Variants in COL28A1 observed in about 807,000 individuals in gnomAD.
The protein encoded by COL28A1 is collagen type XXVIII alpha 1 chain, also known as collagen alpha-1(XXVIII) chain.
Under a neutral mutation model 150.2 loss-of-function variants are expected in COL28A1, and 161 were observed. The ratio of observed to expected loss-of-function variants is 1.07; its 90% CI spans 0.94 to 1.22. The LOEUF (loss-of-function observed/expected upper bound fraction) is 1.22. Among genes scored for constraint, COL28A1 ranks in the 50% most tolerant of loss-of-function variants. The pLI, the probability that COL28A1 is intolerant of heterozygous loss-of-function variation, is 0.00. For synonymous variants in COL28A1, 552 were observed against 469.7 expected, an observed-to-expected ratio of 1.18 and a Z score of -2.26; for missense variants, 1,617 against 1,388.3, an observed-to-expected ratio of 1.16 and a Z score of -2.62.
downstream of COL28A1, among the ~76,000 whole-genome samples, chr7:7,355,076 A>C (rs1042727281): frequency 3.9e-5 from 6 of 152,182 alleles, no homozygotes; most frequent in African/African-American, 7.2e-5. Flanking sequence ...GGTAAATTGG[A>C]CTGCATTAAA....
chr7:7,415,468 A>C (rs1784020219), intron 27 of COL28A1, among the ~76,000 whole-genome samples: 1 of 152,218 alleles, frequency 6.6e-6, no homozygotes, highest in South Asian at 2.1e-4. Flanking sequence ...GTCCTGAGGG[A>C]CGAACCTCTG....
upstream of COL28A1, among the ~76,000 whole-genome samples, chr7:7,538,730 G>C (rs922192091): frequency 5.9e-5 from 9 of 151,780 alleles, no homozygotes; most frequent in African/African-American, 2.2e-4. Context: ...TGAAGTCATA[G>C]AAATACACAC....
chr7:7,472,230 G>A (rs141358600), intron 15 of COL28A1, among the ~76,000 whole-genome samples: 2 of 152,060 alleles, frequency 1.3e-5, no homozygotes, highest in Non-Finnish European at 2.9e-5. Context: ...GAAAGTCAAA[G>A]TGCCTGTTTG....
chr7:7,408,324 G>A (rs1176134956), intron 27 of COL28A1, among the ~76,000 whole-genome samples: 1 of 152,064 alleles, frequency 6.6e-6, no homozygotes, highest in Non-Finnish European at 1.5e-5. Context: ...CTTTGTTAGA[G>A]ATTCTGTAAG....
upstream of COL28A1, among the ~76,000 whole-genome samples, chr7:7,537,476 C>T (rs896707024): frequency 6.6e-6 from 1 of 152,144 alleles, no homozygotes; most frequent in African/African-American, 2.4e-5. Context: ...ACCCCTTGTA[C>T]TTAGTAGATG....
Position 7,531,889 on chromosome 7 carries a change from A to T in COL28A1, c.140T>A (p.Ile47Lys). 1 of 1,600,580 alleles carries T rather than the reference A, an allele frequency of 6.2e-7. No individual in the cohort carries two copies. The highest frequency in any genetic ancestry group is 8.6e-7 in the Non-Finnish European group (1 of 1,169,044). Residue 47 changes from isoleucine to lysine, a missense_variant, in exon 3 of 35, where the codon ATA becomes AAA. Physicochemically the swap from Ile to Lys is moderately radical, Grantham distance 102. Transcript: ENST00000399429. ...KSDVQGSICF[I>K]DIVFIVDSSE... ...GCTGTCCACGATGAAGACAATATCT[A>T]TGAAACAAATGGAGCCTGAAACAGA...
intron 15 of COL28A1, among the ~76,000 whole-genome samples, chr7:7,466,205 G>GA (rs1229151659): frequency 8.3e-5 from 9 of 109,002 alleles, no homozygotes; most frequent in Non-Finnish European, 1.5e-4. Context: ...TGAAAACTTT[G>GA]AAAAAAATTT....
intron 13 of COL28A1, among the ~76,000 whole-genome samples, chr7:7,477,710 A>C (rs1789022466): frequency 1.3e-5 from 2 of 152,204 alleles, no homozygotes; most frequent in Non-Finnish European, 2.9e-5. Context: ...GTGTGGACCC[A>C]AACAGTTAAC....
intron 22 of COL28A1, 117 bp downstream of exon 22, chr7:7,437,277 C>A: frequency 7.1e-7 from 1 of 1,413,176 alleles, no homozygotes; most frequent in South Asian, 1.7e-5. Context: ...CAGAGTTAAA[C>A]GGAATCATTT....
At chr7:7,342,147 A>G in the COL28A1 span, among the ~76,000 whole-genome samples, 40 of 152,106 alleles carry the variant, frequency 2.6e-4, no homozygotes, top group Non-Finnish European at 5.6e-4. Flanking sequence ...TTAAATTATT[A>G]TATCTTCTTG....
chr7:7,363,878 T>A (rs1759682930), intron 33 of COL28A1, among the ~76,000 whole-genome samples: 1 of 152,078 alleles, frequency 6.6e-6, no homozygotes, highest in Non-Finnish European at 1.5e-5. Context: ...CCTCCCAGAT[T>A]CAAGCAGTTC....
At chr7:7,376,165 G>GTTTTC (rs1781530344) in intron 30 of COL28A1, among the ~76,000 whole-genome samples, 1 of 152,120 alleles carries the variant, frequency 6.6e-6, no homozygotes, top group Non-Finnish European at 1.5e-5. Flanking sequence ...TCCCTGTGCA[G>GTTTTC]TGTGTTTATA....
rs542010109 is a variant in COL28A1, at chr7:7,380,657, C to G, written c.2322+3G>C. ...TCAATTACCCTCTAGAATGGATACT[C>G]ACTGTAAGTCCTAGGTCTCCTTTGG... On this transcript the variant is annotated splice_donor_region_variant and intron_variant, in intron 30 of 34. Coordinates refer to ENST00000399429, the MANE Select transcript of COL28A1 (RefSeq NM_001037763.3). 1 of 1,612,844 alleles carries G rather than the reference C, an allele frequency of 6.2e-7. No individual in the cohort carries two copies. Among genetic ancestry groups the G allele is most frequent in the African/African-American group, 1.3e-5 (1 of 75,020 alleles).
intron 13 of COL28A1, among the ~76,000 whole-genome samples, chr7:7,482,342 T>C (rs1325536570): frequency 6.6e-6 from 1 of 152,030 alleles, no homozygotes; most frequent in East Asian, 1.9e-4. Flanking sequence ...CTGGCCAACA[T>C]GGTGAAAACC....
intron 27 of COL28A1, among the ~76,000 whole-genome samples, chr7:7,406,879 TA>T (rs1448269143): frequency 1.3e-5 from 2 of 152,092 alleles, no homozygotes; most frequent in Non-Finnish European, 2.9e-5. Flanking sequence ...TTTTAATCTT[TA>T]AAAAATATTA....
At chr7:7,374,038 A>AAAATATATATATAT in intron 31 of COL28A1, among the ~76,000 whole-genome samples, 4 of 113,626 alleles carry the variant, frequency 3.5e-5, no homozygotes, top group African/African-American at 1.5e-4. Context: ...AAAAAAAAAA[A>AAAATATATATATAT]ATATATATAT....
intron 11 of COL28A1, among the ~76,000 whole-genome samples, chr7:7,500,453 T>C (rs1190720889): frequency 6.6e-6 from 1 of 152,220 alleles, no homozygotes; most frequent in African/African-American, 2.4e-5. Context: ...TTTTCAAAAA[T>C]AGTGATAGAC....
At chr7:7,343,093 G>T in the COL28A1 span, among the ~76,000 whole-genome samples, 1 of 151,572 alleles carries the variant, frequency 6.6e-6, no homozygotes, top group South Asian at 2.1e-4. Flanking sequence ...ACATCTAACC[G>T]CTCCTTCTTA....
At chr7:7,459,134 G>C (rs144804822) in intron 15 of COL28A1, among the ~76,000 whole-genome samples, 1 of 152,308 alleles carries the variant, frequency 6.6e-6, no homozygotes, top group Non-Finnish European at 1.5e-5. Context: ...TGATACTTCA[G>C]AGTGATTTCT....
Sources: allele counts gnomAD v4.1 joint callset (sites outside exome capture counted in the v4.1 genomes callset), GRCh38; gene constraint gnomAD v4.1.1; transcripts MANE v1.5; gene names NCBI Gene and HGNC (gene_info 2026-07-23, HGNC 2026-07-21).